DPYS: variants seen among roughly 807,000 people sequenced by gnomAD.
DPYS encodes dihydropyrimidinase.
In DPYS, 39 loss-of-function variants were observed where a neutral mutation model predicts 50.3. The observed-to-expected ratio is 0.78, with a 90% CI of 0.60 to 1.01. The LOEUF (loss-of-function observed/expected upper bound fraction) is 1.01. Among genes scored for constraint, DPYS ranks in the 50% least tolerant of loss-of-function variants. The pLI is 0.00. For missense variants in DPYS, 659 were observed against 680.9 expected, an observed-to-expected ratio of 0.97 and a Z score of 0.36; for synonymous variants, 245 against 250.7, an observed-to-expected ratio of 0.98 and a Z score of 0.22.
In DPYS at chr8:104,392,871, C is replaced by T. The variant is rs750462411; in HGVS notation, c.1356G>A (p.Val452=). 6.2e-7 allele frequency: 1 copy of T among 1,614,206 alleles called. No individual in the cohort carries two copies. The highest frequency in any genetic ancestry group is 1.1e-5 in the South Asian group (1 of 91,080). The change falls in exon 8 of 10, where the codon GTG becomes GTA. Residue 452 remains valine, a synonymous_variant. Coordinates refer to ENST00000351513, the MANE Select transcript of DPYS (RefSeq NM_001385.3). ...TCCCATCTCCTGCCGTGACACTGAA[C>T]ACTCCGGCTTCATATACCACTTTGC... ...SRGKVVYEAG[V]FSVTAGDGKF...
intron 2 of DPYS, among the ~76,000 whole-genome samples, chr8:104,447,795 C>G (rs1813589977): frequency 6.6e-6 from 1 of 152,182 alleles, no homozygotes; most frequent in Non-Finnish European, 1.5e-5. Flanking sequence ...GCATCTATCT[C>G]CCGATTTGAG....
At chr8:104,415,217 T>C (rs1588423786) in intron 7 of DPYS, among the ~76,000 whole-genome samples, 1 of 152,314 alleles carries the variant, frequency 6.6e-6, no homozygotes, top group East Asian at 1.9e-4. Flanking sequence ...ACATAGAATC[T>C]ATGTCAGGTA....
intron 7 of DPYS, among the ~76,000 whole-genome samples, chr8:104,404,566 G>GAAAAAT (rs1228019374): frequency 6.6e-6 from 1 of 152,220 alleles, no homozygotes; most frequent in Non-Finnish European, 1.5e-5. Context: ...CTGTGCCGTG[G>GAAAAAT]AAAAATAAGG....
At chr8:104,432,262 T>C (rs897871068) in intron 4 of DPYS, among the ~76,000 whole-genome samples, 3 of 152,222 alleles carry the variant, frequency 2.0e-5, no homozygotes, top group African/African-American at 7.2e-5. Flanking sequence ...AATCTCCCAC[T>C]TAAAGGAGTT....
intron 5 of DPYS, among the ~76,000 whole-genome samples, chr8:104,428,950 C>T (rs1281000384): frequency 6.6e-6 from 1 of 151,958 alleles, no homozygotes; most frequent in Non-Finnish European, 1.5e-5. Context: ...CGTGCCTCAG[C>T]CTCCCGAGTA....
intron 7 of DPYS, among the ~76,000 whole-genome samples, chr8:104,412,096 CT>C (rs1477345364): frequency 6.6e-6 from 1 of 152,190 alleles, no homozygotes; most frequent in Non-Finnish European, 1.5e-5. Context: ...AGGAAGTGTT[CT>C]GCAGGTACAT....
intron 1 of DPYS, among the ~76,000 whole-genome samples, chr8:104,456,271 C>T (rs564879427): frequency 7.9e-5 from 12 of 152,112 alleles, no homozygotes; most frequent in Non-Finnish European, 1.6e-4. Context: ...TGTATTCCTG[C>T]TATTAAGTGA....
intron 7 of DPYS, among the ~76,000 whole-genome samples, chr8:104,417,019 T>C (rs896635891): frequency 2.0e-5 from 3 of 152,136 alleles, no homozygotes; most frequent in Non-Finnish European, 4.4e-5. Flanking sequence ...CATTTATCTC[T>C]ATCTTCAATG....
chr8:104,400,736 G>A (rs1300176289), intron 7 of DPYS, among the ~76,000 whole-genome samples: 3 of 152,166 alleles, frequency 2.0e-5, no homozygotes, highest in Non-Finnish European at 4.4e-5. Context: ...TGCTGCAGAG[G>A]GGTGTCAAGG....
intron 4 of DPYS, among the ~76,000 whole-genome samples, chr8:104,439,735 A>C (rs1173950370): frequency 6.6e-6 from 1 of 152,202 alleles, no homozygotes; most frequent in African/African-American, 2.4e-5. Context: ...CAGTTAGCTA[A>C]GACTGTGCTA....
rs1813576376 is a variant in DPYS, at chr8:104,447,459, G to A, written c.468C>T (p.Asn156=). Residue 156 remains asparagine (N), a synonymous_variant, in exon 3 of 10, where the codon AAC becomes AAT. Coordinates refer to ENST00000351513, the MANE Select transcript of DPYS (RefSeq NM_001385.3). ...TATAGGCCATAAACATCTTGAAAGAGTTAACACCTTTATCTTGCACAAGGA... is the reference window on the plus strand; with the variant it reads ...TATAGGCCATAAACATCTTGAAAGAATTAACACCTTTATCTTGCACAAGGA... ...MKILVQDKGV[N]SFKMFMAYKD... The A allele has an allele frequency of 1.9e-6, 3 of 1,614,000 alleles. No homozygotes were observed. The highest frequency in any genetic ancestry group is 2.5e-6 in the Non-Finnish European group (3 of 1,180,010).
At position 104,447,319 on chromosome 8, in the gene DPYS, C is replaced by G. The variant is rs377073619; in HGVS notation, c.603+5G>C. On this transcript the variant is annotated splice_donor_5th_base_variant and intron_variant, in intron 3 of 9. Coordinates refer to ENST00000351513, the MANE Select transcript of DPYS (RefSeq NM_001385.3). ...CTGTAGAAGCTTTGGAATGCAAATG[C>G]GTACCTCTGCAATTAAGTCTCCATT... 2 of 1,613,910 alleles carry G rather than the reference C, an allele frequency of 1.2e-6. No individual in the cohort carries two copies. The highest frequency in any genetic ancestry group is 1.7e-6 in the Non-Finnish European group (2 of 1,179,976).
At position 104,414,608 on chromosome 8, in the gene DPYS, A is replaced by C. The variant is rs577768151; in HGVS notation, c.1235+9639T>G. On this transcript the variant is annotated intron_variant, in intron 7 of 9. Transcript: ENST00000351513. The stretch of plus-strand genomic sequence containing the variant: ...CTGCCTCCAAATAGACTTCCACTGT[A>C]GTCTTCTAGAGGGAGGGGACCACTT... Among the ~76,000 whole-genome samples, 16 of 152,298 alleles carry C rather than the reference A, an allele frequency of 1.1e-4. No individual in the cohort carries two copies. In the South Asian group the frequency reaches 3.3e-3, roughly 32 times the overall value.
At position 104,457,197 on chromosome 8, in the gene DPYS, T is replaced by C. The variant is rs115861796; in HGVS notation, c.265-5793A>G. Among the ~76,000 whole-genome samples, 258 of 152,308 alleles carry C rather than the reference T, an allele frequency of 1.7e-3. 1 individual carries two copies. Among genetic ancestry groups the C allele is most frequent in the African/African-American group, 5.8e-3 (240 of 41,568 alleles). On this transcript the variant is annotated intron_variant, in intron 1 of 9. Coordinates refer to ENST00000351513, the MANE Select transcript of DPYS (RefSeq NM_001385.3). ...CATTATGAAGTAAAATAAGGGTGAC[T>C]TGTGGGTGGCCACAAGCACTGCAAT...
At chr8:104,383,358 T>C (rs1468803517) in intron 8 of DPYS, among the ~76,000 whole-genome samples, 1 of 152,090 alleles carries the variant, frequency 6.6e-6, no homozygotes, top group East Asian at 1.9e-4. Flanking sequence ...TTACCCCAGG[T>C]TTCTGGAATA....
intron 8 of DPYS, among the ~76,000 whole-genome samples, chr8:104,391,055 G>A (rs982929521): frequency 2.0e-5 from 3 of 152,070 alleles, no homozygotes; most frequent in African/African-American, 7.2e-5. Context: ...CACCTATTTT[G>A]ACTGAGCATA....
At chr8:104,435,331 A>G (rs1280621837) in intron 4 of DPYS, among the ~76,000 whole-genome samples, 3 of 152,128 alleles carry the variant, frequency 2.0e-5, no homozygotes, top group Admixed American at 1.3e-4. Context: ...CACTTGGGCT[A>G]TGGAGCAAGG....
At chr8:104,461,605 G>C (rs969719781) in intron 1 of DPYS, among the ~76,000 whole-genome samples, 1 of 152,184 alleles carries the variant, frequency 6.6e-6, no homozygotes, top group Non-Finnish European at 1.5e-5. Flanking sequence ...TGGAGAAGAT[G>C]AGAGCTGAAC....
chr8:104,383,668 G>A (rs956625358), intron 8 of DPYS, among the ~76,000 whole-genome samples: 1 of 149,806 alleles, frequency 6.7e-6, no homozygotes, highest in Non-Finnish European at 1.5e-5. Context: ...GTGGCACAAT[G>A]TTGGCTCACT....
Sources: allele counts gnomAD v4.1 joint callset (sites outside exome capture counted in the v4.1 genomes callset), GRCh38; gene constraint gnomAD v4.1.1; transcripts MANE v1.5; gene names NCBI Gene and HGNC (gene_info 2026-07-23, HGNC 2026-07-21).